Variants in TSPAN9 observed in about 807,000 individuals in gnomAD.
The protein encoded by TSPAN9 is tetraspanin-9.
In TSPAN9, 16 loss-of-function variants were observed where a neutral mutation model predicts 31.0. That is an observed-to-expected ratio of 0.52 (90% CI 0.35 to 0.78). TSPAN9 has a LOEUF of 0.78. Among genes scored for constraint, TSPAN9 ranks in the 30% least tolerant of loss-of-function variants. The pLI is 0.01. For synonymous variants in TSPAN9, 145 were observed against 121.6 expected, an observed-to-expected ratio of 1.19 and a Z score of -1.27; for missense variants, 272 against 312.5, an observed-to-expected ratio of 0.87 and a Z score of 0.98.
intron 5 of TSPAN9, 106 bp downstream of exon 5, chr12:3,279,172 C>A: frequency 3.0e-6 from 3 of 1,004,506 alleles, no homozygotes; most frequent in Non-Finnish European, 4.7e-6. Flanking sequence ...TGCTGGCAAG[C>A]AGCACCTGTG....
Position 3,254,607 on chromosome 12 carries a change from C to T in TSPAN9, c.64-23814C>T, listed in dbSNP as rs374228865. 7.9e-5 allele frequency among the ~76,000 whole-genome samples: 12 copies of T among 152,312 alleles called. No individual in the cohort carries two copies. In the East Asian group the frequency reaches 1.7e-3, roughly 22 times the overall value. ...GACAGCAGTATCCAGCCCTGTAGAA[C>T]GTTCACCAGGCACCAGGCACTGCTT... On this transcript the variant is annotated intron_variant, in intron 3 of 8. Coordinates refer to ENST00000011898, the MANE Select transcript of TSPAN9 (RefSeq NM_006675.5).
At chr12:3,113,918 C>T (rs1448667156) in intron 2 of TSPAN9, among the ~76,000 whole-genome samples, 4 of 152,252 alleles carry the variant, frequency 2.6e-5, no homozygotes, top group African/African-American at 4.8e-5. Context: ...CCTTGTTCCA[C>T]GTGCTCACTG....
chr12:3,118,317 C>T (rs1423532272), intron 2 of TSPAN9, among the ~76,000 whole-genome samples: 1 of 117,258 alleles, frequency 8.5e-6, no homozygotes, highest in Admixed American at 1.2e-4. Flanking sequence ...GGCTGGAGTG[C>T]AGTGGCATGA....
intron 3 of TSPAN9, among the ~76,000 whole-genome samples, chr12:3,267,803 C>T (rs372928874): frequency 1.1e-4 from 16 of 152,294 alleles, no homozygotes; most frequent in African/African-American, 3.4e-4. Flanking sequence ...GCTGCCTCCT[C>T]GTGGTTCCTC....
chr12:3,268,806 GTTCCTGCAACCTGCCCTCCGTGCA>G (rs1862601443), intron 3 of TSPAN9, among the ~76,000 whole-genome samples: 3 of 52,416 alleles, frequency 5.7e-5, no homozygotes, highest in Non-Finnish European at 1.0e-4. Context: ...CCCTCTCTGT[GTTCCTGCAACCTGCCCTCCGTGCA>G]TTCCTGCAGC....
At chr12:3,097,030 G>C (rs1002443052) in intron 2 of TSPAN9, among the ~76,000 whole-genome samples, 1 of 152,106 alleles carries the variant, frequency 6.6e-6, no homozygotes, top group Admixed American at 6.5e-5. Context: ...CTCTGGGAGG[G>C]GAGTTATGCT....
chr12:3,181,068 T>TG (rs34401281), intron 2 of TSPAN9, among the ~76,000 whole-genome samples: 1 of 119,644 alleles, frequency 8.4e-6, no homozygotes, highest in Non-Finnish European at 1.7e-5. Flanking sequence ...GAAAGATGGG[T>TG]GGGGGGGATG....
chr12:3,105,760 A>G (rs61916260), intron 2 of TSPAN9, among the ~76,000 whole-genome samples: 12 of 59,686 alleles, frequency 2.0e-4, no homozygotes, highest in African/African-American at 3.0e-4. Context: ...ACACACACGC[A>G]CACACGCGCA....
intron 2 of TSPAN9, among the ~76,000 whole-genome samples, chr12:3,130,565 G>A (rs549398358): frequency 6.6e-6 from 1 of 152,128 alleles, no homozygotes; most frequent in Non-Finnish European, 1.5e-5. Context: ...AGGGCTTCTC[G>A]GGACTGGCCT....
At chr12:3,176,687 G>T (rs780950837) in intron 2 of TSPAN9, among the ~76,000 whole-genome samples, 24 of 152,288 alleles carry the variant, frequency 1.6e-4, no homozygotes, top group Non-Finnish European at 3.4e-4. Context: ...CTGGGCCCTC[G>T]TCTCAGCGAA....
intron 2 of TSPAN9, among the ~76,000 whole-genome samples, chr12:3,128,330 A>G (rs1437153823): frequency 6.6e-6 from 1 of 152,136 alleles, no homozygotes; most frequent in Non-Finnish European, 1.5e-5. Flanking sequence ...GCAAACACAA[A>G]ATGGCTAATC....
chr12:3,215,251 C>T (rs61907328), intron 3 of TSPAN9: 23,333 of 152,220 alleles, frequency 0.15, 2,237 homozygotes, highest in South Asian at 0.23. Context: ...AGGGGGTGTC[C>T]GTGCACCAGC....
intron 3 of TSPAN9, among the ~76,000 whole-genome samples, chr12:3,208,144 G>C (rs929368577): frequency 2.4e-4 from 37 of 152,222 alleles, no homozygotes; most frequent in African/African-American, 8.7e-4. Context: ...CCTGCGGTGA[G>C]AGCGTATGAA....
intron 3 of TSPAN9, among the ~76,000 whole-genome samples, chr12:3,221,486 G>A (rs2098384567): frequency 6.6e-6 from 1 of 151,254 alleles, no homozygotes; most frequent in Non-Finnish European, 1.5e-5. Context: ...AGCCTCCCAA[G>A]CAGCTGGGAT....
chr12:3,265,982 T>C (rs1862529058), intron 3 of TSPAN9, among the ~76,000 whole-genome samples: 1 of 152,186 alleles, frequency 6.6e-6, no homozygotes. Context: ...TCTTGGTGTG[T>C]GATACGGGCT....
chr12:3,131,394 G>C (rs1246489105), intron 2 of TSPAN9, among the ~76,000 whole-genome samples: 1 of 152,230 alleles, frequency 6.6e-6, no homozygotes, highest in African/African-American at 2.4e-5. Context: ...CAGTTGCACA[G>C]GTGCTCCCAT....
intron 3 of TSPAN9, among the ~76,000 whole-genome samples, chr12:3,274,252 C>T (rs1442110213): frequency 6.6e-6 from 1 of 152,152 alleles, no homozygotes. Flanking sequence ...GATTGGGAAC[C>T]ACTGGGCTGA....
rs369801990 is a variant in TSPAN9, at chr12:3,255,738, T to C, written c.64-22683T>C. 2.2e-4 allele frequency among the ~76,000 whole-genome samples: 34 copies of C among 152,366 alleles called. 2 individuals are homozygous for C. The South Asian group carries it at 6.8e-3, about 31-fold the overall frequency. ...ACCCTTAGAATATGGTGAGTATCTTTCAAACAGACATGCTCTAGGCAAAGC... is the reference window on the plus strand; with the variant it reads ...ACCCTTAGAATATGGTGAGTATCTTCCAAACAGACATGCTCTAGGCAAAGC... On this transcript the variant is annotated intron_variant, in intron 3 of 8. Coordinates refer to ENST00000011898, the MANE Select transcript of TSPAN9 (RefSeq NM_006675.5).
rs1862685286 is a variant in TSPAN9, at chr12:3,170,358, A to C, written c.-17-30819A>C. ...TATAGCCCAAACTCCTGCGTTGGAC[A>C]CACCAATCTACGGCTAGCTTGCTCC... On this transcript the variant is annotated intron_variant, in intron 2 of 8. Transcript: ENST00000011898. The surrounding 1 kb of genome is among the most constrained non-coding windows in gnomAD (Gnocchi z 4.4). Among the ~76,000 whole-genome samples the C allele has an allele frequency of 6.6e-6, 1 of 152,208 alleles. No individual in the cohort carries two copies. Among genetic ancestry groups the C allele is most frequent in the African/African-American group, 2.4e-5 (1 of 41,458 alleles).
Sources: allele counts gnomAD v4.1 joint callset (sites outside exome capture counted in the v4.1 genomes callset), GRCh38; gene constraint gnomAD v4.1.1; non-coding constraint Gnocchi (gnomAD v3.1); transcripts MANE v1.5; gene names NCBI Gene and HGNC (gene_info 2026-07-23, HGNC 2026-07-21).